Variants in VAV3 observed in about 807,000 individuals in gnomAD.
VAV3 encodes guanine nucleotide exchange factor VAV3.
Under a neutral mutation model 131.2 loss-of-function variants are expected in VAV3, and 94 were observed. The observed-to-expected ratio is 0.72, with a 90% CI of 0.61 to 0.85. The LOEUF is 0.85. Ranked by LOEUF, VAV3 falls within the 40% of genes least tolerant of loss-of-function variation. The pLI is 0.00. For synonymous variants in VAV3, 349 were observed against 342.0 expected (o/e 1.02, Z -0.22); for missense variants, 939 against 1,002.7 (o/e 0.94, Z 0.86).
intron 3 of VAV3, 43 bp from the exon 4 acceptor site, chr1:107,777,339 G>T: frequency 6.4e-7 from 1 of 1,564,654 alleles, no homozygotes; most frequent in South Asian, 1.1e-5. Context: ...ACAAACCCAT[G>T]AGTGAACGAG....
At chr1:107,921,846 G>C (rs1672914157) in intron 1 of VAV3, among the ~76,000 whole-genome samples, 1 of 151,974 alleles carries the variant, frequency 6.6e-6, no homozygotes. Context: ...GTAAAAACCA[G>C]GAAAAAAGGT....
intron 15 of VAV3, among the ~76,000 whole-genome samples, chr1:107,717,976 C>T (rs1295907829): frequency 6.6e-6 from 1 of 152,014 alleles, no homozygotes; most frequent in Non-Finnish European, 1.5e-5. Flanking sequence ...TGAATTGATC[C>T]CTTTACCATT....
chr1:107,891,838 C>CAAAAAAAA (rs35693360), intron 1 of VAV3, among the ~76,000 whole-genome samples: 8 of 27,926 alleles, frequency 2.9e-4, no homozygotes, highest in African/African-American at 8.4e-4. Context: ...GACTCCGTCT[C>CAAAAAAAA]AAAAAAAAAA....
intron 2 of VAV3, among the ~76,000 whole-genome samples, chr1:107,825,434 T>C (rs1667969702): frequency 6.6e-6 from 1 of 151,916 alleles, no homozygotes; most frequent in South Asian, 2.1e-4. Context: ...TTTGGATTAA[T>C]GTCAAAGATA....
At chr1:107,952,485 T>TATATATATATATACACAC (rs1317970944) in intron 1 of VAV3, among the ~76,000 whole-genome samples, 2 of 94,432 alleles carry the variant, frequency 2.1e-5, no homozygotes, top group South Asian at 3.7e-4. Context: ...TATATATATA[T>TATATATATATATACACAC]ACACACATAA....
chr1:107,939,297 T>C (rs1438302825), intron 1 of VAV3, among the ~76,000 whole-genome samples: 4 of 152,308 alleles, frequency 2.6e-5, no homozygotes, highest in Admixed American at 6.5e-5. Flanking sequence ...AGACTCAAAT[T>C]TTCTTGCCTT....
intron 25 of VAV3, among the ~76,000 whole-genome samples, chr1:107,589,497 AG>A (rs1256499327): frequency 6.6e-6 from 1 of 152,244 alleles, no homozygotes; most frequent in Non-Finnish European, 1.5e-5. Flanking sequence ...CAGAGCCTCC[AG>A]GAAGAATTAG....
chr1:107,915,264 G>C (rs1319952132), intron 1 of VAV3, among the ~76,000 whole-genome samples: 1 of 152,124 alleles, frequency 6.6e-6, no homozygotes, highest in Non-Finnish European at 1.5e-5. Flanking sequence ...GACTATTAAA[G>C]GTTTAATGAG....
At chr1:107,798,492 G>A (rs1480944770) in intron 2 of VAV3, among the ~76,000 whole-genome samples, 1 of 151,966 alleles carries the variant, frequency 6.6e-6, no homozygotes, top group Non-Finnish European at 1.5e-5. Flanking sequence ...GCTGAGGTGG[G>A]CGGATCATGA....
At chr1:107,708,915 C>G (rs960375295) in intron 15 of VAV3, among the ~76,000 whole-genome samples, 1 of 151,966 alleles carries the variant, frequency 6.6e-6, no homozygotes, top group Non-Finnish European at 1.5e-5. Flanking sequence ...AGGTTCCATA[C>G]AAACACATAT....
chr1:107,768,389 TGAA>T, intron 7 of VAV3, 49 bp downstream of exon 7: 1 of 1,394,350 alleles, frequency 7.2e-7, no homozygotes, highest in Non-Finnish European at 1.0e-6. Flanking sequence ...CCTAAGGAAA[TGAA>T]GATTTTATTG....
chr1:107,858,856 A>G (rs1385086941), intron 2 of VAV3, among the ~76,000 whole-genome samples: 1 of 152,210 alleles, frequency 6.6e-6, no homozygotes, highest in African/African-American at 2.4e-5. Context: ...AGAATATGAC[A>G]TCTCATTCTT....
chr1:107,582,243 T>C (rs1024632485), intron 25 of VAV3, among the ~76,000 whole-genome samples: 2 of 152,170 alleles, frequency 1.3e-5, no homozygotes, highest in Non-Finnish European at 2.9e-5. Context: ...GAGAATTTAA[T>C]GAATGCTTAA....
chr1:107,897,946 T>C (rs1036286797), intron 1 of VAV3, among the ~76,000 whole-genome samples: 2 of 152,156 alleles, frequency 1.3e-5, no homozygotes, highest in East Asian at 3.9e-4. Flanking sequence ...GTGCCACATC[T>C]TAAAAGATTT....
chr1:107,770,015 CA>C (rs1664948421), intron 6 of VAV3, among the ~76,000 whole-genome samples: 1 of 152,208 alleles, frequency 6.6e-6, no homozygotes, highest in Non-Finnish European at 1.5e-5. Flanking sequence ...CTTCTGCTCA[CA>C]ACCCTTCCCA....
At chr1:107,902,540 G>C (rs1396704494) in intron 1 of VAV3, among the ~76,000 whole-genome samples, 6 of 152,060 alleles carry the variant, frequency 3.9e-5, no homozygotes, top group African/African-American at 4.8e-5. Context: ...GTCTTATGTA[G>C]GAGTTTTTTA....
At chr1:107,770,021 T>A (rs1664948837) in intron 6 of VAV3, among the ~76,000 whole-genome samples, 1 of 152,146 alleles carries the variant, frequency 6.6e-6, no homozygotes, top group Admixed American at 6.5e-5. Flanking sequence ...CTCACAACCC[T>A]TCCCAATGTC....
intron 20 of VAV3, among the ~76,000 whole-genome samples, chr1:107,640,675 A>G (rs1655276189): frequency 6.6e-6 from 1 of 152,198 alleles, no homozygotes; most frequent in Non-Finnish European, 1.5e-5. Flanking sequence ...GTTTTTATAT[A>G]AAGTTGCACT....
intron 15 of VAV3, 119 bp from the exon 16 acceptor site, chr1:107,705,180 G>T: frequency 1.3e-6 from 1 of 753,284 alleles, no homozygotes; most frequent in African/African-American, 1.7e-5. Context: ...CAAGCAAAAT[G>T]ACTACTAAAT....
Sources: gnomAD v4.1 joint callset for allele counts (sites outside exome capture counted in the v4.1 genomes callset) on GRCh38, gnomAD v4.1.1 for gene constraint, MANE v1.5 for transcripts, NCBI Gene and HGNC (gene_info 2026-07-23, HGNC 2026-07-21) for gene names.